ZNF704: variants seen among roughly 807,000 people sequenced by gnomAD.
ZNF704 encodes the protein glucocorticoid induced gene 1.
A neutral mutation model predicts 44.7 loss-of-function variants in ZNF704; 10 were observed. That is an observed-to-expected ratio of 0.22 (90% CI 0.14 to 0.38). ZNF704 has a LOEUF of 0.38. Among genes scored for constraint, ZNF704 ranks in the 10% least tolerant of loss-of-function variants. The pLI is 1.00. For synonymous variants in ZNF704, 211 were observed against 207.6 expected, an observed-to-expected ratio of 1.02 and a Z score of -0.14; for missense variants, 390 against 545.5, an observed-to-expected ratio of 0.71 and a Z score of 2.84.
At position 80,821,412 on chromosome 8, in the gene ZNF704, T is replaced by C. The variant is rs896427548; in HGVS notation, c.183A>G (p.Arg61=). 5 of 1,613,712 alleles carry C rather than the reference T, an allele frequency of 3.1e-6. No individual in the cohort carries two copies. In the African/African-American group the frequency reaches 6.7e-5, roughly 22 times the overall value. The change falls in exon 2 of 9, where the codon AGA becomes AGG. Residue 61 remains arginine (R), a synonymous_variant. Transcript: ENST00000327835. ...TRSICLLEQK[R]KVVSSNIDVP... ...CATCAATGTTGGAGGAAACAACTTT[T>C]CTTTTTTGCTCAAGGAGACAGATGG...
chr8:80,806,231 A>AT (rs1025407015), intron 2 of ZNF704, among the ~76,000 whole-genome samples: 11 of 152,164 alleles, frequency 7.2e-5, no homozygotes, highest in African/African-American at 2.7e-4. Context: ...CAAAGTCTTA[A>AT]TTTTTTTAAA....
At position 80,633,722 on chromosome 8, in the gene ZNF704, T is replaced by C. The variant is rs1817622598; in HGVS notation, c.*7644A>G. 6.6e-6 allele frequency: 1 copy of C among 152,300 alleles called. No homozygotes were observed. Among genetic ancestry groups the C allele is most frequent in the East Asian group, 1.9e-4 (1 of 5,180 alleles). The allele number at this position is 152,300 out of a possible 1,614,324, so 9.4% of individuals were successfully genotyped here. ...ACACTGGGTTCTTACAAAGATCAAA[T>C]GAAATAGTGTGTGAACGAGACGTAT... is the stretch of plus-strand genomic sequence containing the variant. On this transcript the variant is annotated 3_prime_UTR_variant, in exon 9 of 9. Coordinates refer to ENST00000327835, the MANE Select transcript of ZNF704 (RefSeq NM_001033723.3).
At chr8:80,680,195 T>C (rs1818431283) in intron 4 of ZNF704, among the ~76,000 whole-genome samples, 1 of 152,144 alleles carries the variant, frequency 6.6e-6, no homozygotes, top group Admixed American at 6.5e-5. Flanking sequence ...TGGCTGGAAT[T>C]TGAAGAATTA....
chr8:80,726,558 T>C (rs971811771), intron 2 of ZNF704, among the ~76,000 whole-genome samples: 7 of 152,092 alleles, frequency 4.6e-5, no homozygotes, highest in Non-Finnish European at 8.8e-5. Flanking sequence ...TGCAATGATA[T>C]AATGTCTGGG....
intron 2 of ZNF704, among the ~76,000 whole-genome samples, chr8:80,748,672 G>A (rs1297369565): frequency 2.6e-5 from 4 of 152,150 alleles, no homozygotes; most frequent in Non-Finnish European, 5.9e-5. Context: ...ATTCTTGGGT[G>A]GGACGAACCC....
chr8:80,654,135 A>G (rs1320612704), intron 7 of ZNF704, among the ~76,000 whole-genome samples: 5 of 150,626 alleles, frequency 3.3e-5, no homozygotes, highest in Admixed American at 6.6e-5. Context: ...CTGGCTAGCC[A>G]TATGTAGAAA....
chr8:80,664,552 G>A (rs1041169599), intron 6 of ZNF704, among the ~76,000 whole-genome samples: 1 of 152,192 alleles, frequency 6.6e-6, no homozygotes, highest in African/African-American at 2.4e-5. Context: ...GATTACAGGC[G>A]TGAGCCACTG....
At chr8:80,866,504 T>C (rs1586086087) in intron 1 of ZNF704, among the ~76,000 whole-genome samples, 1 of 152,226 alleles carries the variant, frequency 6.6e-6, no homozygotes, top group Non-Finnish European at 1.5e-5. Context: ...GGTCTTGAAG[T>C]ATTCACAAAT....
chr8:80,641,566 G>T, intron 8 of ZNF704, 89 bp from the exon 9 acceptor site: 3 of 616,016 alleles, frequency 4.9e-6, no homozygotes, highest in Non-Finnish European at 7.3e-6. Flanking sequence ...AAGAGTGAGG[G>T]AGGAAAAAAA....
chr8:80,734,046 G>C (rs555267439), intron 2 of ZNF704, among the ~76,000 whole-genome samples: 2 of 152,276 alleles, frequency 1.3e-5, no homozygotes, highest in Admixed American at 6.5e-5. Context: ...GTATTCTCCA[G>C]ATGGTGTTTC....
intron 2 of ZNF704, among the ~76,000 whole-genome samples, chr8:80,774,694 T>C (rs1807381803): frequency 6.6e-6 from 1 of 152,168 alleles, no homozygotes; most frequent in Non-Finnish European, 1.5e-5. Flanking sequence ...GATGTCTGGG[T>C]TCCCCACGAG....
At chr8:80,826,550 G>A (rs1352839741) in intron 1 of ZNF704, among the ~76,000 whole-genome samples, 1 of 152,124 alleles carries the variant, frequency 6.6e-6, no homozygotes, top group South Asian at 2.1e-4. Context: ...TAGAAAAAGA[G>A]GGAATCCTCC....
At chr8:80,861,537 T>G (rs1359032974) in intron 1 of ZNF704, among the ~76,000 whole-genome samples, 1 of 152,180 alleles carries the variant, frequency 6.6e-6, no homozygotes, top group East Asian at 1.9e-4. Context: ...GTGAATATAC[T>G]AAAGAACACT....
Position 80,687,395 on chromosome 8 carries a change from T to C in ZNF704, c.389A>G (p.Tyr130Cys), listed in dbSNP as rs896322165. Residue 130 changes from tyrosine to cysteine, a missense_variant, in exon 4 of 9, where the codon TAC (tyrosine) becomes TGC (cysteine). By Grantham distance (194) the Tyr-to-Cys change is radical. Coordinates refer to ENST00000327835, the MANE Select transcript of ZNF704 (RefSeq NM_001033723.3). ...CVPSSTSSSG[Y>C]WSWSAPSDQS... is the part of the protein sequence containing the mutation. ...GTCGCTGGGGGCGCTCCAGCTCCAGTAGCCGCTGCTGCTGGTGCTGGAAGG... is the reference window on the plus strand; with the variant it reads ...GTCGCTGGGGGCGCTCCAGCTCCAGCAGCCGCTGCTGCTGGTGCTGGAAGG... 1.0e-5 allele frequency: 16 copies of C among 1,604,188 alleles called. No individual in the cohort carries two copies. The highest frequency in any genetic ancestry group is 1.4e-5 in the Non-Finnish European group (16 of 1,178,070).
At chr8:80,833,184 A>G (rs1179746430) in intron 1 of ZNF704, among the ~76,000 whole-genome samples, 2 of 152,156 alleles carry the variant, frequency 1.3e-5, no homozygotes, top group African/African-American at 4.8e-5. Flanking sequence ...CGTCTCTACT[A>G]AAAATACGAA....
intron 1 of ZNF704, among the ~76,000 whole-genome samples, chr8:80,856,894 T>C (rs940445646): frequency 1.3e-5 from 2 of 152,192 alleles, no homozygotes; most frequent in Admixed American, 6.6e-5. Context: ...CTAAAAATCT[T>C]GCTGAGATTT....
chr8:80,818,295 A>T (rs1225797454), intron 2 of ZNF704, among the ~76,000 whole-genome samples: 1 of 152,078 alleles, frequency 6.6e-6, no homozygotes, highest in African/African-American at 2.4e-5. Context: ...TGGGCCTAAA[A>T]TGATTATCCT....
chr8:80,843,029 G>C (rs906336201), intron 1 of ZNF704, among the ~76,000 whole-genome samples: 12 of 152,110 alleles, frequency 7.9e-5, no homozygotes, highest in Non-Finnish European at 1.5e-5. Context: ...CTCTACATTA[G>C]CTAAAATGTA....
At chr8:80,733,929 A>G (rs1806623541) in intron 2 of ZNF704, among the ~76,000 whole-genome samples, 2 of 152,210 alleles carry the variant, frequency 1.3e-5, no homozygotes, top group Non-Finnish European at 1.5e-5. Context: ...TTTATTAGCT[A>G]ATCTAGAATT....
Sources: gnomAD v4.1 joint callset for allele counts (sites outside exome capture counted in the v4.1 genomes callset) on GRCh38, gnomAD v4.1.1 for gene constraint, MANE v1.5 for transcripts, NCBI Gene and HGNC (gene_info 2026-07-23, HGNC 2026-07-21) for gene names.